Variants in COL4A1 observed in about 807,000 individuals in gnomAD.
COL4A1 encodes collagen type IV alpha 1 chain.
A neutral mutation model predicts 216.6 loss-of-function variants in COL4A1; 40 were observed. The observed-to-expected ratio is 0.18, with a 90% CI of 0.14 to 0.24. The LOEUF (loss-of-function observed/expected upper bound fraction) is 0.24, where lower values mean the gene tolerates loss of function less well. Among genes scored for constraint, COL4A1 ranks in the 10% least tolerant of loss-of-function variants. The pLI is 1.00. For missense variants in COL4A1, 1,628 were observed against 2,196.8 expected (o/e 0.74, Z 5.18); for synonymous variants, 839 against 810.7 (o/e 1.03, Z -0.59).
At chr13:110,224,060 T>C (rs1435145403) in intron 2 of COL4A1, among the ~76,000 whole-genome samples, 2 of 152,176 alleles carry the variant, frequency 1.3e-5, no homozygotes, top group Non-Finnish European at 2.9e-5. Flanking sequence ...GAAATGCACA[T>C]GGCATAAATG....
intron 1 of COL4A1, among the ~76,000 whole-genome samples, chr13:110,257,862 G>T (rs1226210220): frequency 8.5e-5 from 13 of 152,068 alleles, no homozygotes; most frequent in Non-Finnish European, 1.5e-5. Flanking sequence ...CTTTTCCAAA[G>T]GAACCTAAGA....
At chr13:110,176,000 T>C (rs922682699) in intron 36 of COL4A1, among the ~76,000 whole-genome samples, 19 of 152,042 alleles carry the variant, frequency 1.2e-4, no homozygotes, top group African/African-American at 4.4e-4. Context: ...TAGACACTGA[T>C]GGCAAAGCAT....
intron 18 of COL4A1, among the ~76,000 whole-genome samples, chr13:110,203,338 G>A (rs936970393): frequency 6.6e-6 from 1 of 152,128 alleles, no homozygotes; most frequent in African/African-American, 2.4e-5. Context: ...ACGAAACTCC[G>A]TACAACAAAT....
chr13:110,196,218 A>G (rs1878882734), intron 21 of COL4A1, among the ~76,000 whole-genome samples: 1 of 152,184 alleles, frequency 6.6e-6, no homozygotes, highest in South Asian at 2.1e-4. Context: ...TTCTCCCCAC[A>G]AAGCACAGGA....
chr13:110,294,413 C>T (rs1884192357), intron 1 of COL4A1, among the ~76,000 whole-genome samples: 1 of 152,206 alleles, frequency 6.6e-6, no homozygotes, highest in East Asian at 1.9e-4. Flanking sequence ...CATTTGCTGT[C>T]CACAGCCTCC....
intron 48 of COL4A1, 42 bp from the exon 49 acceptor site, chr13:110,161,411 T>G (rs1212879749): frequency 6.4e-7 from 1 of 1,562,090 alleles, no homozygotes; most frequent in African/African-American, 1.4e-5. Flanking sequence ...TCCTTTATAA[T>G]TCACAATCTA....
At chr13:110,214,164 T>C in intron 2 of COL4A1, 149 bp from the exon 3 acceptor site, 1 of 698,022 alleles carries the variant, frequency 1.4e-6, no homozygotes, top group Non-Finnish European at 2.5e-6. Context: ...CGATCTCGGC[T>C]CACTGCAAAG....
intron 40 of COL4A1, 34 bp from the exon 41 acceptor site, chr13:110,172,804 T>A: frequency 6.3e-7 from 1 of 1,586,274 alleles, no homozygotes; most frequent in Non-Finnish European, 8.7e-7. Context: ...ACGTTTCTCT[T>A]TACTTAAACA....
chr13:110,205,286 G>A (rs1450363659), intron 17 of COL4A1, 67 bp downstream of exon 17: 1 of 1,587,034 alleles, frequency 6.3e-7, no homozygotes, highest in Admixed American at 1.7e-5. Flanking sequence ...TTCTAGGAAA[G>A]AATAAACAGA....
Position 110,176,728 on chromosome 13 carries a change from C to T in COL4A1, c.2870-4G>A, listed in dbSNP as rs1206438789. The T allele has an allele frequency of 4.3e-6, 7 of 1,614,046 alleles. No individual in the cohort carries two copies. The highest frequency in any genetic ancestry group is 5.1e-6 in the Non-Finnish European group (6 of 1,179,894). On this transcript the variant is annotated splice_region_variant and splice_polypyrimidine_tract_variant and intron_variant, in intron 34 of 51. Transcript: ENST00000375820. ...TCACCAATTGGTCCAATTTGTCCTA[C>T]ACATCAGAGAAGAAAATAGCAATGA...
intron 15 of COL4A1, 50 bp from the exon 16 acceptor site, chr13:110,205,588 C>T (rs368975008): frequency 2.9e-5 from 46 of 1,599,202 alleles, no homozygotes; most frequent in East Asian, 8.9e-5. Flanking sequence ...ATAGACTGCG[C>T]GCGGTGGCTC....
intron 1 of COL4A1, among the ~76,000 whole-genome samples, chr13:110,302,392 A>T (rs1884530591): frequency 6.6e-6 from 1 of 152,166 alleles, no homozygotes; most frequent in African/African-American, 2.4e-5. Flanking sequence ...TTCAAGAAGG[A>T]GTTCTGGAGT....
chr13:110,246,347 GA>G (rs141516861), intron 1 of COL4A1, among the ~76,000 whole-genome samples: 13 of 149,070 alleles, frequency 8.7e-5, no homozygotes, highest in Admixed American at 4.7e-4. Flanking sequence ...CTGCTAAAAA[GA>G]AAAAAAAAAT....
rs557198622 is a variant in COL4A1 at position 110,176,879 on chromosome 13, A to G, written c.2869+6T>C. 3.7e-5 allele frequency: 60 copies of G among 1,614,210 alleles called. No homozygotes were observed. In the South Asian group the frequency reaches 5.9e-4, roughly 16 times the overall value. On this transcript the variant is annotated splice_donor_region_variant and intron_variant, in intron 34 of 51. Transcript: ENST00000375820. ...AGCTTGGCCATGAGAAGCCTCCTGGACTTGCCTTTCTCTCCTTGGTCTCCT... is the reference window on the plus strand; with the variant it reads ...AGCTTGGCCATGAGAAGCCTCCTGGGCTTGCCTTTCTCTCCTTGGTCTCCT...
chr13:110,191,922 G>A (rs745611683), intron 24 of COL4A1, among the ~76,000 whole-genome samples: 36 of 152,196 alleles, frequency 2.4e-4, no homozygotes, highest in Non-Finnish European at 3.8e-4. Flanking sequence ...AGACCCTGAG[G>A]GAAGGACACA....
At chr13:110,247,407 A>G (rs1442776319) in intron 1 of COL4A1, among the ~76,000 whole-genome samples, 1 of 152,230 alleles carries the variant, frequency 6.6e-6, no homozygotes, top group Non-Finnish European at 1.5e-5. Flanking sequence ...AATATCTTTT[A>G]TATTCTCTAA....
intron 19 of COL4A1, among the ~76,000 whole-genome samples, 184 bp from the exon 20 acceptor site, chr13:110,201,073 CA>C (rs1879169923): frequency 6.6e-6 from 1 of 152,106 alleles, no homozygotes; most frequent in South Asian, 2.1e-4. Context: ...CTCAAAGCTA[CA>C]GCGAAGGGCT....
intron 1 of COL4A1, among the ~76,000 whole-genome samples, chr13:110,272,091 G>C (rs1883265132): frequency 6.6e-6 from 1 of 152,084 alleles, no homozygotes; most frequent in South Asian, 2.1e-4. Flanking sequence ...AGAAATTTCT[G>C]GTCATAGCCT....
intron 2 of COL4A1, among the ~76,000 whole-genome samples, chr13:110,234,287 T>TA (rs1594608715): frequency 6.6e-6 from 1 of 152,058 alleles, no homozygotes; most frequent in East Asian, 1.9e-4. Context: ...GCTTCAGAAA[T>TA]AAAAAGGGTC....
Sources: allele counts gnomAD v4.1 joint callset (sites outside exome capture counted in the v4.1 genomes callset), GRCh38; gene constraint gnomAD v4.1.1; transcripts MANE v1.5; gene names NCBI Gene and HGNC (gene_info 2026-07-23, HGNC 2026-07-21).